Variants in KDM1A observed in about 807,000 individuals in gnomAD.
KDM1A encodes the protein lysine demethylase 1A, also known as lysine-specific histone demethylase 1A.
KDM1A carries 49 observed loss-of-function variants against 109.4 expected under a neutral mutation model. The ratio of observed to expected loss-of-function variants is 0.45; its 90% CI spans 0.36 to 0.57. The LOEUF (loss-of-function observed/expected upper bound fraction) is 0.57. Ranked by LOEUF, KDM1A falls within the 20% of genes least tolerant of loss-of-function variation. The pLI is 0.00. For missense variants in KDM1A, 668 were observed against 1,116.6 expected, an observed-to-expected ratio of 0.60 and a Z score of 5.73; for synonymous variants, 380 against 415.4, an observed-to-expected ratio of 0.91 and a Z score of 1.04.
At chr1:23,041,969 A>G (rs10737471) in intron 2 of KDM1A, among the ~76,000 whole-genome samples, 113,782 of 151,958 alleles carry the variant, frequency 0.75, 43,476 homozygotes, top group Non-Finnish European at 0.83. Context: ...TAAGAAATCC[A>G]TCTTTTTTTG....
chr1:23,061,778 T>C (rs1434330225), intron 9 of KDM1A, among the ~76,000 whole-genome samples: 1 of 151,886 alleles, frequency 6.6e-6, no homozygotes, highest in Non-Finnish European at 1.5e-5. Flanking sequence ...TGCCTCAGCC[T>C]CCTGAGTAGC....
At chr1:23,069,609 C>T (rs755300622) in intron 12 of KDM1A, among the ~76,000 whole-genome samples, 17 of 152,236 alleles carry the variant, frequency 1.1e-4, no homozygotes, top group Non-Finnish European at 2.1e-4. Context: ...CGTGGTTTAG[C>T]TATTCTAAAG....
rs1188733406 is a variant in KDM1A at position 23,019,614 on chromosome 1, GGCGGCAGCC to G, written c.24_32del (p.Ala16_Ala18del). ...GGCCCGAGATGTTATCTGGGAAGAA[GGCGGCAGCC>G]GCGGCGGCGGCGGCTGCAGCGGCAG... On this transcript the variant is annotated inframe_deletion, in exon 1 of 21. Transcript: ENST00000400181. The G allele has an allele frequency of 7.0e-7, 1 of 1,426,298 alleles. No homozygotes were observed. The highest frequency in any genetic ancestry group is 9.1e-7 in the Non-Finnish European group (1 of 1,099,818). 88.4% of individuals were successfully genotyped at this position (1,426,298 alleles called of 1,614,324 possible).
At chr1:23,048,041 A>G (rs1642553133) in intron 3 of KDM1A, among the ~76,000 whole-genome samples, 1 of 152,234 alleles carries the variant, frequency 6.6e-6, no homozygotes, top group East Asian at 1.9e-4. Flanking sequence ...TTAAATGTAT[A>G]GAAGATAACA....
chr1:23,030,823 A>G (rs1432328321), intron 2 of KDM1A, among the ~76,000 whole-genome samples, 189 bp downstream of exon 2: 2 of 152,194 alleles, frequency 1.3e-5, no homozygotes, highest in African/African-American at 2.4e-5. Context: ...ATGTATACAC[A>G]TAGATACGTA....
At chr1:23,054,834 C>T (rs1395590028) in intron 5 of KDM1A, among the ~76,000 whole-genome samples, 1 of 151,986 alleles carries the variant, frequency 6.6e-6, no homozygotes, top group Admixed American at 6.6e-5. Flanking sequence ...CTGTGTTTCC[C>T]AGGCTGGTCT....
At chr1:23,062,931 T>C (rs1220568126) in intron 9 of KDM1A, among the ~76,000 whole-genome samples, 2 of 152,174 alleles carry the variant, frequency 1.3e-5, no homozygotes, top group Non-Finnish European at 2.9e-5. Context: ...GGAGTTATAC[T>C]CTGACCTATG....
Position 23,071,300 on chromosome 1 carries a change from G to A in KDM1A, c.1489G>A (p.Asp497Asn). 6.2e-7 allele frequency: 1 copy of A among 1,613,654 alleles called. No individual in the cohort carries two copies. Among genetic ancestry groups the A allele is most frequent in the Non-Finnish European group, 8.5e-7 (1 of 1,179,830 alleles). Reference protein sequence around the residue: ...KEASEVKPPRDITAEFLVKSK... With the variant: ...KEASEVKPPRNITAEFLVKSK... Reference sequence around the variant, plus strand: ...AGCATCTGAAGTAAAGCCACCCAGAGATATTACTGCCGAGTTCTTAGTGAA... The same window carrying A: ...AGCATCTGAAGTAAAGCCACCCAGAAATATTACTGCCGAGTTCTTAGTGAA... The change falls in exon 13 of 21, where the codon GAT becomes AAT. Residue 497 changes from aspartate to asparagine, a missense_variant. Around this residue, in one of 8 missense-constraint regions of KDM1A, gnomAD observed 62 missense variants for 82.8 expected, o/e 0.75. Transcript: ENST00000400181.
intron 3 of KDM1A, 68 bp from the exon 4 acceptor site, chr1:23,050,319 A>G: frequency 6.8e-7 from 1 of 1,477,056 alleles, no homozygotes; most frequent in Non-Finnish European, 9.0e-7. Context: ...AAAGGAATTT[A>G]AGCGTCATCA....
At chr1:23,077,967 TTGCTGGTTTC>T in intron 16 of KDM1A, among the ~76,000 whole-genome samples, 1 of 152,216 alleles carries the variant, frequency 6.6e-6, no homozygotes, top group Non-Finnish European at 1.5e-5. Context: ...CTCATTATTA[TTGCTGGTTTC>T]AGGCTACATT....
chr1:23,078,003 A>G (rs1477802559), intron 16 of KDM1A, among the ~76,000 whole-genome samples: 2 of 152,160 alleles, frequency 1.3e-5, no homozygotes, highest in Non-Finnish European at 2.9e-5. Flanking sequence ...TAAAGTGCAG[A>G]CAACTGTTGG....
intron 1 of KDM1A, among the ~76,000 whole-genome samples, chr1:23,029,747 C>T (rs549003487): frequency 1.3e-5 from 2 of 152,328 alleles, no homozygotes; most frequent in Non-Finnish European, 2.9e-5. Context: ...TCAAGCGATT[C>T]TCCTGCCTCA....
intron 1 of KDM1A, among the ~76,000 whole-genome samples, chr1:23,022,840 G>A (rs1049479274): frequency 2.0e-5 from 3 of 151,268 alleles, no homozygotes; most frequent in East Asian, 1.9e-4. Flanking sequence ...TGTATTTTTA[G>A]TAGAGACAGG....
Position 23,019,964 on chromosome 1 carries a change from C to A in KDM1A, c.351+17C>A. 6.6e-7 allele frequency: 1 copy of A among 1,508,262 alleles called. No homozygotes were observed. The highest frequency in any genetic ancestry group is 1.3e-5 in the South Asian group (1 of 78,396). 93.4% of individuals were successfully genotyped at this position (1,508,262 alleles called of 1,614,324 possible). On this transcript the variant is annotated intron_variant, in intron 1 of 20. Coordinates refer to ENST00000400181, the MANE Select transcript of KDM1A (RefSeq NM_001009999.3). ...CGGGCGAAGGTAAGGCTCGACCCTT[C>A]CCTCAAACGACACCGCCTGGTGCCG...
intron 9 of KDM1A, among the ~76,000 whole-genome samples, chr1:23,064,321 G>A (rs951181460): frequency 2.6e-5 from 4 of 152,194 alleles, no homozygotes; most frequent in Non-Finnish European, 5.9e-5. Context: ...TCTTCTTCTA[G>A]GTTTTACCAA....
chr1:23,061,099 T>A (rs1445220730), intron 9 of KDM1A, among the ~76,000 whole-genome samples: 3 of 152,240 alleles, frequency 2.0e-5, no homozygotes, highest in Non-Finnish European at 4.4e-5. Flanking sequence ...TGGTATTAGA[T>A]GAGCTTTAGC....
At position 23,066,073 on chromosome 1, in the gene KDM1A, TA is replaced by T; in HGVS notation, c.1179+3del. 6.3e-7 allele frequency: 1 copy of T among 1,585,930 alleles called. No homozygotes were observed. Among genetic ancestry groups the T allele is most frequent in the Non-Finnish European group, 8.7e-7 (1 of 1,155,154 alleles). On this transcript the variant is annotated splice_donor_region_variant and intron_variant, in intron 10 of 20. Coordinates refer to ENST00000400181, the MANE Select transcript of KDM1A (RefSeq NM_001009999.3). ...ACTGGTTAAAAGGACACTGTCAAGG[TA>T]TTTTTTTCATAATTTTTCAAATCAT... is the stretch of plus-strand genomic sequence containing the variant.
chr1:23,042,420 A>T lies in KDM1A; in HGVS notation c.518-2007A>T, dbSNP rs551523989. 3.2e-3 allele frequency among the ~76,000 whole-genome samples: 434 copies of T among 136,398 alleles called. 6 individuals carry two copies. Among genetic ancestry groups the T allele is most frequent in the African/African-American group, 0.011 (399 of 36,518 alleles). 89.5% of individuals were successfully genotyped at this position (136,398 alleles called of 152,430 possible). On this transcript the variant is annotated intron_variant, in intron 2 of 20. Coordinates refer to ENST00000400181, the MANE Select transcript of KDM1A (RefSeq NM_001009999.3). ...AAACGAAACAATGGCAACATTTTTT[A>T]AAAATCTATGAAATATATTATTTTT...
intron 3 of KDM1A, 121 bp from the exon 4 acceptor site, chr1:23,050,266 G>A: frequency 9.7e-7 from 1 of 1,033,016 alleles, no homozygotes; most frequent in East Asian, 3.0e-5. Context: ...CAGCTTTTGA[G>A]ACAATTGAAA....
Sources: allele counts gnomAD v4.1 joint callset (sites outside exome capture counted in the v4.1 genomes callset), GRCh38; gene constraint gnomAD v4.1.1; regional missense constraint gnomAD v4.1.1; transcripts MANE v1.5; gene names NCBI Gene and HGNC (gene_info 2026-07-23, HGNC 2026-07-21).